Variants in MAP2K6 observed in about 807,000 individuals in gnomAD.
The protein encoded by MAP2K6 is dual specificity mitogen-activated protein kinase kinase 6.
Under a neutral mutation model 53.7 loss-of-function variants are expected in MAP2K6, and 16 were observed. That is an observed-to-expected ratio of 0.30 (90% CI 0.20 to 0.45). The LOEUF is 0.45. MAP2K6 is among the 20% of genes least tolerant of loss of function. The pLI, the probability that MAP2K6 is intolerant of heterozygous loss-of-function variation, is 1.00. For synonymous variants in MAP2K6, 132 were observed against 143.1 expected (o/e 0.92, Z 0.55); for missense variants, 204 against 411.9 (o/e 0.50, Z 4.37).
intron 1 of MAP2K6, among the ~76,000 whole-genome samples, chr17:69,467,496 G>A (rs1907852078): frequency 6.6e-6 from 1 of 152,168 alleles, no homozygotes; most frequent in South Asian, 2.1e-4. Flanking sequence ...TGCCATTGTG[G>A]TGAGTTTCCT....
intron 1 of MAP2K6, among the ~76,000 whole-genome samples, chr17:69,503,475 G>T (rs1384961691): frequency 6.6e-6 from 1 of 152,166 alleles, no homozygotes; most frequent in Admixed American, 6.5e-5. Flanking sequence ...GGTGAGTTTT[G>T]AACCTTATAA....
At chr17:69,505,909 T>G (rs1328111948) in intron 2 of MAP2K6, 63 bp downstream of exon 2, 2 of 1,441,294 alleles carry the variant, frequency 1.4e-6, no homozygotes, top group Non-Finnish European at 1.9e-6. Context: ...TCCTGGGGGT[T>G]TATTTTTGGA....
rs779399972 is a variant in MAP2K6 at position 69,519,427 on chromosome 17, C to A, written c.361C>A (p.Arg121=). ...FTVTFYGALF[R]EGDVWICMEL... The stretch of plus-strand genomic sequence containing the variant: ...TGTCACCTTTTATGGCGCACTGTTT[C>A]GGGAGGTAGGTGACCCTTCAATTCA... The change falls in exon 5 of 12, where the codon CGG becomes AGG. Residue 121 remains arginine (R), a synonymous_variant. Coordinates refer to ENST00000590474, the MANE Select transcript of MAP2K6 (RefSeq NM_002758.4). 6.2e-7 allele frequency: 1 copy of A among 1,614,038 alleles called. No homozygotes were observed. Among genetic ancestry groups the A allele is most frequent in the South Asian group, 1.1e-5 (1 of 91,062 alleles).
intron 1 of MAP2K6, among the ~76,000 whole-genome samples, chr17:69,486,813 G>C (rs1479133649): frequency 6.6e-6 from 1 of 152,198 alleles, no homozygotes; most frequent in African/African-American, 2.4e-5. Flanking sequence ...AGCTATTGAA[G>C]AATACAAAAC....
chr17:69,451,721 C>G (rs1324348878), intron 1 of MAP2K6, among the ~76,000 whole-genome samples: 1 of 152,106 alleles, frequency 6.6e-6, no homozygotes, highest in African/African-American at 2.4e-5. Context: ...TCCAGAGAGG[C>G]AGAGAGGTCA....
intron 2 of MAP2K6, among the ~76,000 whole-genome samples, chr17:69,510,128 G>A (rs986604532): frequency 2.6e-5 from 4 of 152,138 alleles, no homozygotes; most frequent in South Asian, 2.1e-4. Context: ...TTACAGGCGC[G>A]AGCCAACGTG....
At chr17:69,523,487 T>C in intron 7 of MAP2K6, 27 bp from the exon 8 acceptor site, 2 of 1,611,604 alleles carry the variant, frequency 1.2e-6, no homozygotes, top group South Asian at 2.2e-5. Context: ...GCTGAAATGA[T>C]GGCATCCTGG....
At chr17:69,518,018 G>A (rs763440185) in intron 4 of MAP2K6, among the ~76,000 whole-genome samples, 19 of 151,930 alleles carry the variant, frequency 1.3e-4, no homozygotes, top group Non-Finnish European at 2.6e-4. Flanking sequence ...GTGAAACCTC[G>A]TCTCTACTAA....
intron 1 of MAP2K6, among the ~76,000 whole-genome samples, chr17:69,487,162 A>G (rs927464276): frequency 6.6e-6 from 1 of 152,166 alleles, no homozygotes; most frequent in South Asian, 2.1e-4. Flanking sequence ...CAGAATTTAT[A>G]TATAGCCCTG....
chr17:69,544,357 T>G lies in MAP2K6; in HGVS notation c.*2604T>G, dbSNP rs1911791414. 1 of 152,206 alleles carries G rather than the reference T, an allele frequency of 6.6e-6. No individual in the cohort carries two copies. The highest frequency in any genetic ancestry group is 1.5e-5 in the Non-Finnish European group (1 of 68,030). The allele number at this position is 152,206 out of a possible 1,614,324, so 9.4% of individuals were successfully genotyped here. On this transcript the variant is annotated 3_prime_UTR_variant, in exon 12 of 12. Transcript: ENST00000590474. ...CCTGATAGCCTCACAAGACTAAATT[T>G]TAGAGCATGGTTTTGTTTTTGGAAA...
intron 1 of MAP2K6, among the ~76,000 whole-genome samples, chr17:69,431,351 A>G (rs1906456057): frequency 6.7e-6 from 1 of 148,724 alleles, no homozygotes; most frequent in African/African-American, 2.6e-5. Context: ...GCATATAATT[A>G]TGTCTTATAA....
intron 11 of MAP2K6, among the ~76,000 whole-genome samples, chr17:69,539,239 C>T (rs145085690): frequency 2.6e-4 from 40 of 152,318 alleles, no homozygotes; most frequent in Non-Finnish European, 5.0e-4. Context: ...GCTTGTCTGT[C>T]TATTCCTCGT....
rs941909014 is a variant in MAP2K6 at position 69,521,054 on chromosome 17, A to G, written c.489A>G (p.Val163=). ...DILGKIAVSI[V]KALEHLHSKL... ...ATCTTGTGTTTCTCTTGCAGATTGT[A>G]AAAGCATTAGAACATTTACATAGTA... is the stretch of plus-strand genomic sequence containing the variant. Residue 163 remains valine, a synonymous_variant, in exon 7 of 12, where the codon GTA becomes GTG. Transcript: ENST00000590474. The G allele has an allele frequency of 1.2e-6, 2 of 1,605,010 alleles. No homozygotes were observed. The highest frequency in any genetic ancestry group is 1.7e-6 in the Non-Finnish European group (2 of 1,175,252).
chr17:69,530,020 C>T (rs1167270519), intron 10 of MAP2K6, among the ~76,000 whole-genome samples: 1 of 152,034 alleles, frequency 6.6e-6, no homozygotes, highest in African/African-American at 2.4e-5. Context: ...AATTTTGAGC[C>T]GTAGACATGT....
intron 1 of MAP2K6, among the ~76,000 whole-genome samples, chr17:69,482,922 G>A (rs796687680): frequency 2.0e-5 from 3 of 151,798 alleles, no homozygotes; most frequent in Non-Finnish European, 4.4e-5. Flanking sequence ...TTTTAATGAC[G>A]AGGAGATGGC....
chr17:69,440,419 A>G (rs923611617), intron 1 of MAP2K6, among the ~76,000 whole-genome samples: 7 of 152,082 alleles, frequency 4.6e-5, no homozygotes, highest in African/African-American at 1.4e-4. Flanking sequence ...CTCACCCAAT[A>G]TAACTCATCT....
At chr17:69,449,905 G>A (rs555485181) in intron 1 of MAP2K6, among the ~76,000 whole-genome samples, 1 of 145,994 alleles carries the variant, frequency 6.8e-6, no homozygotes, top group African/African-American at 2.5e-5. Context: ...GAGCCACCGC[G>A]CCCGGCCTCT....
At chr17:69,519,496 A>G in intron 5 of MAP2K6, 64 bp downstream of exon 5, 7 of 1,595,634 alleles carry the variant, frequency 4.4e-6, no homozygotes, top group Non-Finnish European at 5.1e-6. Context: ...TTCTTTGATC[A>G]CGTAAATGCC....
intron 1 of MAP2K6, among the ~76,000 whole-genome samples, chr17:69,421,578 A>G (rs908777544): frequency 1.3e-5 from 2 of 149,740 alleles, no homozygotes; most frequent in African/African-American, 2.5e-5. Context: ...TCGCTCTGTC[A>G]CCCAGGCTGG....
Sources: allele counts gnomAD v4.1 joint callset (sites outside exome capture counted in the v4.1 genomes callset), GRCh38; gene constraint gnomAD v4.1.1; transcripts MANE v1.5; gene names NCBI Gene and HGNC (gene_info 2026-07-23, HGNC 2026-07-21).